SEMA3A: variants seen among roughly 807,000 people sequenced by gnomAD.
The protein encoded by SEMA3A is semaphorin 3A.
In SEMA3A, 29 loss-of-function variants were observed where a neutral mutation model predicts 97.9. The observed-to-expected ratio is 0.30, with a 90% CI of 0.22 to 0.40. SEMA3A has a LOEUF of 0.40. SEMA3A is among the 10% of genes least tolerant of loss of function. The pLI is 1.00. For missense variants in SEMA3A, 763 were observed against 951.3 expected, an observed-to-expected ratio of 0.80 and a Z score of 2.60; for synonymous variants, 321 against 323.7, an observed-to-expected ratio of 0.99 and a Z score of 0.09.
intron 3 of SEMA3A, among the ~76,000 whole-genome samples, chr7:84,270,672 A>AAT (rs1300552771): frequency 6.7e-6 from 1 of 148,436 alleles, no homozygotes; most frequent in Non-Finnish European, 1.5e-5. Flanking sequence ...TATATATATG[A>AAT]ATATATATAG....
At chr7:84,192,357 C>A (rs1185628840) in intron 1 of SEMA3A, among the ~76,000 whole-genome samples, 1 of 151,886 alleles carries the variant, frequency 6.6e-6, no homozygotes, top group Non-Finnish European at 1.5e-5. Context: ...AAAATTTCCT[C>A]AGGCCATTCC....
At chr7:84,221,386 CT>C (rs147578222) in intron 3 of SEMA3A, among the ~76,000 whole-genome samples, 11,136 of 152,196 alleles carry the variant, frequency 0.073, 1,400 homozygotes, top group African/African-American at 0.25. Flanking sequence ...AGGAGTAGCA[CT>C]TTTGAATTTG....
At chr7:84,210,306 A>C (rs997427171) in intron 3 of SEMA3A, among the ~76,000 whole-genome samples, 4 of 152,170 alleles carry the variant, frequency 2.6e-5, no homozygotes, top group Non-Finnish European at 5.9e-5. Context: ...GCTGAGCCCA[A>C]CTGGTTTTAC....
At chr7:84,067,081 T>A (rs921729826) in intron 4 of SEMA3A, among the ~76,000 whole-genome samples, 2 of 152,074 alleles carry the variant, frequency 1.3e-5, no homozygotes, top group African/African-American at 4.8e-5. Context: ...GAGATATAGA[T>A]CAACGGAAGA....
intron 1 of SEMA3A, among the ~76,000 whole-genome samples, chr7:84,488,902 C>A (rs1806650774): frequency 6.6e-6 from 1 of 152,128 alleles, no homozygotes; most frequent in Admixed American, 6.6e-5. Flanking sequence ...ATAAAGCTAA[C>A]TTTCCACTAA....
chr7:84,244,788 T>C (rs1306415193), intron 3 of SEMA3A, among the ~76,000 whole-genome samples: 1 of 152,106 alleles, frequency 6.6e-6, no homozygotes, highest in African/African-American at 2.4e-5. Context: ...CTGATGGTGA[T>C]TTTCTTCTTT....
intron 4 of SEMA3A, among the ~76,000 whole-genome samples, chr7:84,073,871 A>T (rs1282181646): frequency 6.8e-6 from 1 of 146,078 alleles, no homozygotes; most frequent in Non-Finnish European, 1.5e-5. Flanking sequence ...GCTAAAAAAA[A>T]AAAAAAAAAG....
chr7:84,247,572 A>G (rs1799505326), intron 3 of SEMA3A, among the ~76,000 whole-genome samples: 1 of 152,208 alleles, frequency 6.6e-6, no homozygotes, highest in South Asian at 2.1e-4. Flanking sequence ...TAACTTCCCA[A>G]TATTTACAGC....
intron 6 of SEMA3A, among the ~76,000 whole-genome samples, chr7:84,044,617 A>G (rs1191662229): frequency 6.6e-6 from 1 of 152,056 alleles, no homozygotes; most frequent in Non-Finnish European, 1.5e-5. Flanking sequence ...AAAAAGTAAT[A>G]GAAAATCATT....
chr7:84,453,378 A>C (rs956670816), intron 1 of SEMA3A, among the ~76,000 whole-genome samples: 4 of 151,632 alleles, frequency 2.6e-5, no homozygotes, highest in Non-Finnish European at 1.5e-5. Context: ...CTGGGACTAC[A>C]GGCGCCCGCC....
At chr7:84,244,478 G>A (rs1050718365) in intron 3 of SEMA3A, among the ~76,000 whole-genome samples, 6 of 152,112 alleles carry the variant, frequency 3.9e-5, no homozygotes, top group African/African-American at 1.4e-4. Flanking sequence ...GAGTCTATGT[G>A]TGTCTGTGCA....
At chr7:84,288,705 A>C (rs1042807652) in intron 3 of SEMA3A, among the ~76,000 whole-genome samples, 2 of 152,254 alleles carry the variant, frequency 1.3e-5, no homozygotes, top group South Asian at 4.1e-4. Context: ...CAAAAAAACA[A>C]AACAAAACAA....
At chr7:84,431,270 T>C (rs1804972441) in intron 1 of SEMA3A, among the ~76,000 whole-genome samples, 1 of 152,072 alleles carries the variant, frequency 6.6e-6, no homozygotes, top group Non-Finnish European at 1.5e-5. Flanking sequence ...TAAGTGCATT[T>C]AAACTTGCCT....
chr7:84,274,104 G>C (rs543049550), intron 3 of SEMA3A, among the ~76,000 whole-genome samples: 46 of 151,930 alleles, frequency 3.0e-4, no homozygotes, highest in Non-Finnish European at 4.6e-4. Context: ...TTAGAGTTTG[G>C]CCCATTTTTA....
At chr7:84,051,813 T>G (rs183649837) in intron 5 of SEMA3A, among the ~76,000 whole-genome samples, 2,276 of 145,128 alleles carry the variant, frequency 0.016, 53 homozygotes, top group African/African-American at 0.051. Context: ...ATGCTTCCAG[T>G]TTTTGCACAT....
chr7:84,172,601 T>C (rs1797422852), intron 1 of SEMA3A, among the ~76,000 whole-genome samples: 1 of 152,070 alleles, frequency 6.6e-6, no homozygotes, highest in Non-Finnish European at 1.5e-5. Context: ...TTTTGTATTT[T>C]TTTTTCAGTA....
intron 4 of SEMA3A, among the ~76,000 whole-genome samples, chr7:84,107,796 A>C (rs1356817282): frequency 6.6e-6 from 1 of 152,180 alleles, no homozygotes; most frequent in Admixed American, 6.5e-5. Flanking sequence ...AAATGATAAA[A>C]ATGCAAGAAT....
intron 3 of SEMA3A, among the ~76,000 whole-genome samples, chr7:84,217,847 C>T (rs532823833): frequency 2.6e-5 from 4 of 151,824 alleles, no homozygotes; most frequent in African/African-American, 4.8e-5. Context: ...GAGGCAGAGG[C>T]AGGAAAATCA....
intron 6 of SEMA3A, among the ~76,000 whole-genome samples, chr7:84,039,284 T>A (rs1792048335): frequency 6.6e-6 from 1 of 152,158 alleles, no homozygotes; most frequent in African/African-American, 2.4e-5. Context: ...ATAACTTAAA[T>A]GACTCCCAAA....
Sources: allele counts gnomAD v4.1 joint callset (sites outside exome capture counted in the v4.1 genomes callset), GRCh38; gene constraint gnomAD v4.1.1; transcripts MANE v1.5; gene names NCBI Gene and HGNC (gene_info 2026-07-23, HGNC 2026-07-21).